Variants in KHSRP observed in about 807,000 individuals in gnomAD.
The protein encoded by KHSRP is KH-type splicing regulatory protein.
Under a neutral mutation model 94.9 loss-of-function variants are expected in KHSRP, and 13 were observed. The observed-to-expected ratio is 0.14, with a 90% CI of 0.09 to 0.22. KHSRP has a LOEUF of 0.22. KHSRP is among the 10% of genes least tolerant of loss of function. The pLI, the probability that KHSRP is intolerant of heterozygous loss-of-function variation, is 1.00. For synonymous variants in KHSRP, 495 were observed against 401.4 expected (o/e 1.23, Z -2.79); for missense variants, 710 against 1,010.0 (o/e 0.70, Z 4.03).
rs1252646730 is a variant in KHSRP at position 6,417,857 on chromosome 19, G to T, written c.979-16C>A. 6.2e-7 allele frequency: 1 copy of T among 1,611,712 alleles called. No homozygotes were observed. Among genetic ancestry groups the T allele is most frequent in the Non-Finnish European group, 8.5e-7 (1 of 1,178,144 alleles). ...GCACTGGCACCTGGGGAGGGAGGCA[G>T]CAGCGTCAGCTCGGCCCGCAGCTCT... On this transcript the variant is annotated splice_polypyrimidine_tract_variant and intron_variant, in intron 10 of 18. Transcript: ENST00000600480.
In KHSRP at chr19:6,414,409, C is replaced by T; in HGVS notation, c.*615G>A. The T allele has an allele frequency of 7.8e-7, 1 of 1,279,876 alleles. No individual in the cohort carries two copies. Among genetic ancestry groups the T allele is most frequent in the Non-Finnish European group, 9.9e-7 (1 of 1,012,100 alleles). 79.3% of individuals were successfully genotyped at this position (1,279,876 alleles called of 1,614,324 possible). On this transcript the variant is annotated 3_prime_UTR_variant, in exon 19 of 19. Transcript: ENST00000600480. Reference sequence around the variant, plus strand: ...TAGGGTCGTAGGGGAGCTGCCCTGTCTCCGGAGGGCGGTGGCTCCCGGCGC... The same window carrying T: ...TAGGGTCGTAGGGGAGCTGCCCTGTTTCCGGAGGGCGGTGGCTCCCGGCGC...
At chr19:6,416,943 C>T (rs754797699) in intron 12 of KHSRP, 44 bp downstream of exon 12, 7 of 1,613,356 alleles carry the variant, frequency 4.3e-6, no homozygotes, top group South Asian at 1.1e-5. Context: ...TCTTGCACTC[C>T]CCTGGAGGCC....
Position 6,415,738 on chromosome 19 carries a change from C to A in KHSRP, c.1688-4G>T, listed in dbSNP as rs1420739071. 1.3e-6 allele frequency: 2 copies of A among 1,550,416 alleles called. No homozygotes were observed. The highest frequency in any genetic ancestry group is 2.0e-5 in the Admixed American group (1 of 50,990). On this transcript the variant is annotated splice_polypyrimidine_tract_variant and splice_region_variant and intron_variant, in intron 16 of 18. Transcript: ENST00000600480. Reference sequence around the variant, plus strand: ...GCGGCCGCTGCAGCTGCTTTGCCTGCAGGAGATACCTCGGGTGAGACGGGG... The same window carrying A: ...GCGGCCGCTGCAGCTGCTTTGCCTGAAGGAGATACCTCGGGTGAGACGGGG...
chr19:6,418,718 G>C lies in KHSRP; in HGVS notation c.764C>G (p.Thr255Ser), dbSNP rs780349676. 1 of 1,613,870 alleles carries C rather than the reference G, an allele frequency of 6.2e-7. No individual in the cohort carries two copies. The change falls in exon 8 of 19, where the codon ACC becomes AGC. Residue 255 changes from threonine (T) to serine (S), a missense_variant. Coordinates refer to ENST00000600480, the MANE Select transcript of KHSRP (RefSeq NM_001366299.1). This position sits in a 1 kb window ranked among gnomAD's most constrained non-coding sequence, Gnocchi z 4.3. ...TGCCCTCACCTGCAGCTGCTTAATG[G>C]TCTCCCCGCCCTTGCCAATGACCAG... ...AGLVIGKGGE[T>S]IKQLQERAGV...
At position 6,413,144 on chromosome 19, in the gene KHSRP, A is replaced by AAG. The variant is rs1555725658; in HGVS notation, c.*1879_*1880insCT. 4.9e-4 allele frequency among the ~76,000 whole-genome samples: 58 copies of AAG among 117,224 alleles called. 1 individual carries two copies. In the East Asian group the frequency reaches 6.1e-3, roughly 12 times the overall value. The allele number at this position is 117,224 out of a possible 152,430, so 76.9% of individuals were successfully genotyped here. On this transcript the variant is annotated 3_prime_UTR_variant, in exon 19 of 19. Coordinates refer to ENST00000600480, the MANE Select transcript of KHSRP (RefSeq NM_001366299.1). ...GCACTTTATTTAACAAAAAAAAAAA[A>AAG]GGGGGGGGGGCACGGTTAGGAAAGC...
chr19:6,413,879 C>G lies in KHSRP; in HGVS notation c.*1145G>C. On this transcript the variant is annotated 3_prime_UTR_variant, in exon 19 of 19. Coordinates refer to ENST00000600480, the MANE Select transcript of KHSRP (RefSeq NM_001366299.1). The stretch of plus-strand genomic sequence containing the variant: ...ATCTCGCTATCTTCTCTGGCTGGCT[C>G]AACATGGAAGGATCCCAATTTTGAA... The G allele has an allele frequency of 2.8e-6, 1 of 359,622 alleles. No homozygotes were observed. Among genetic ancestry groups the G allele is most frequent in the Non-Finnish European group, 4.8e-6 (1 of 208,700 alleles). 22.3% of individuals were successfully genotyped at this position (359,622 alleles called of 1,614,324 possible).
Position 6,414,344 on chromosome 19 carries a change from A to T in KHSRP, c.*680T>A. The T allele has an allele frequency of 7.2e-7, 1 of 1,387,856 alleles. No individual in the cohort carries two copies. Among genetic ancestry groups the T allele is most frequent in the Non-Finnish European group, 9.4e-7 (1 of 1,066,214 alleles). 86.0% of individuals were successfully genotyped at this position (1,387,856 alleles called of 1,614,324 possible). On this transcript the variant is annotated 3_prime_UTR_variant, in exon 19 of 19. Coordinates refer to ENST00000600480, the MANE Select transcript of KHSRP (RefSeq NM_001366299.1). ...CTCCCTGATGGAGAAGGAGGGACAG[A>T]GCAGGAAGAGAGGAGAGGGGCCGCG...
intron 6 of KHSRP, 60 bp from the exon 7 acceptor site, chr19:6,419,320 T>C: frequency 5.4e-6 from 8 of 1,469,886 alleles, no homozygotes; most frequent in Admixed American, 2.4e-5. Flanking sequence ...AAGGCCTGCC[T>C]TGGACACGAG....
At position 6,414,458 on chromosome 19, in the gene KHSRP, G is replaced by A; in HGVS notation, c.*566C>T. 8.5e-7 allele frequency: 1 copy of A among 1,176,752 alleles called. No homozygotes were observed. The highest frequency in any genetic ancestry group is 1.1e-6 in the Non-Finnish European group (1 of 949,890). 72.9% of individuals were successfully genotyped at this position (1,176,752 alleles called of 1,614,324 possible). ...GCAGCACGACGACATGAACAATCCA[G>A]AGATCATGGTGTCCCCACAACACCC... On this transcript the variant is annotated 3_prime_UTR_variant, in exon 19 of 19. Coordinates refer to ENST00000600480, the MANE Select transcript of KHSRP (RefSeq NM_001366299.1).
chr19:6,416,366 G>GCCTGGGCCA lies in KHSRP; in HGVS notation c.1521_1529dup (p.Gly508_Gly510dup). On this transcript the variant is annotated inframe_insertion, in exon 15 of 19. Transcript: ENST00000600480. ...TGAAGGGCCCCATTGGGCCAGCAGG[G>GCCTGGGCCA]CCTGGGCCACCTGGGCCTGGTCCAA... The GCCTGGGCCA allele has an allele frequency of 6.2e-7, 1 of 1,611,992 alleles. No homozygotes were observed. The highest frequency in any genetic ancestry group is 8.5e-7 in the Non-Finnish European group (1 of 1,179,302).
At position 6,418,461 on chromosome 19, in the gene KHSRP, C is replaced by T. The variant is rs1253241124; in HGVS notation, c.879+22G>A. Reference sequence around the variant, plus strand: ...GCCCGTGCCTCTCCAGAACCCCCTCCACCACCCCAGGGCGTGCTCACCTGC... The same window carrying T: ...GCCCGTGCCTCTCCAGAACCCCCTCTACCACCCCAGGGCGTGCTCACCTGC... On this transcript the variant is annotated intron_variant, in intron 9 of 18. Coordinates refer to ENST00000600480, the MANE Select transcript of KHSRP (RefSeq NM_001366299.1). This position sits in a 1 kb window ranked among gnomAD's most constrained non-coding sequence, Gnocchi z 4.3. 4 of 1,596,920 alleles carry T rather than the reference C, an allele frequency of 2.5e-6. No homozygotes were observed. Among genetic ancestry groups the T allele is most frequent in the Non-Finnish European group, 3.4e-6 (4 of 1,166,010 alleles).
Position 6,418,103 on chromosome 19 carries a change from C to A in KHSRP, c.880-24G>T. On this transcript the variant is annotated intron_variant, in intron 9 of 18. Coordinates refer to ENST00000600480, the MANE Select transcript of KHSRP (RefSeq NM_001366299.1). The surrounding 1 kb of genome is among the most constrained non-coding windows in gnomAD (Gnocchi z 4.3). ...TGCTGCAAACACACAGGAAGCAGCC[C>A]CCATGGGTGAGCCCTGCTGCCCCAC... 3 of 1,606,756 alleles carry A rather than the reference C, an allele frequency of 1.9e-6. No individual in the cohort carries two copies. In the African/African-American group the frequency reaches 4.0e-5, roughly 21 times the overall value.
Position 6,414,723 on chromosome 19 carries a change from G to C in KHSRP, c.*301C>G. 1 of 1,045,824 alleles carries C rather than the reference G, an allele frequency of 9.6e-7. No homozygotes were observed. The highest frequency in any genetic ancestry group is 4.1e-5 in the South Asian group (1 of 24,522). The allele number at this position is 1,045,824 out of a possible 1,614,324, so 64.8% of individuals were successfully genotyped here. A position where few individuals can be genotyped will look rare whatever the true frequency, so the allele number is the denominator to read the frequency against. On this transcript the variant is annotated 3_prime_UTR_variant, in exon 19 of 19. Transcript: ENST00000600480. The stretch of plus-strand genomic sequence containing the variant: ...AATAAAAAGAACAAAAACCAAAAAA[G>C]TGATGCAGAGAAGGGGAAAAAATAG...
intron 1 of KHSRP, among the ~76,000 whole-genome samples, chr19:6,423,411 A>G (rs2092206983): frequency 6.6e-6 from 1 of 152,244 alleles, no homozygotes; most frequent in African/African-American, 2.4e-5. Context: ...AACCCAAACC[A>G]TGTTAAGAAT....
chr19:6,420,831 CCCT>C (rs2145122516), intron 4 of KHSRP, among the ~76,000 whole-genome samples: 1 of 152,292 alleles, frequency 6.6e-6, no homozygotes, highest in Non-Finnish European at 1.5e-5. Context: ...AAAAAATGAC[CCCT>C]GACAACTGCC....
Position 6,424,772 on chromosome 19 carries a change from C to T in KHSRP, c.-71G>A, listed in dbSNP as rs2092223115. The T allele has an allele frequency of 3.3e-6, 2 of 613,586 alleles. No homozygotes were observed. The highest frequency in any genetic ancestry group is 4.1e-6 in the Non-Finnish European group (2 of 482,206). 38.0% of individuals were successfully genotyped at this position (613,586 alleles called of 1,614,324 possible). ...CGGCGGCGGCGGCGGCGGCTCAACGCGGGAACAAGGCCTCGCTCCACACGG... is the reference window on the plus strand; with the variant it reads ...CGGCGGCGGCGGCGGCGGCTCAACGTGGGAACAAGGCCTCGCTCCACACGG... On this transcript the variant is annotated 5_prime_UTR_variant, in exon 1 of 19. Coordinates refer to ENST00000600480, the MANE Select transcript of KHSRP (RefSeq NM_001366299.1).
rs778083216 is a variant in KHSRP, at chr19:6,416,289, G to A, written c.1598+9C>T. ...CGGCCTCAAAACCCAGGAGGCAGAG[G>A]ATACTCACTGTGGGGGAGCCCCGGG... On this transcript the variant is annotated intron_variant, in intron 15 of 18. Transcript: ENST00000600480. 4 of 1,591,756 alleles carry A rather than the reference G, an allele frequency of 2.5e-6. No homozygotes were observed. The highest frequency in any genetic ancestry group is 1.4e-5 in the African/African-American group (1 of 73,900).
rs776382514 is a variant in KHSRP, at chr19:6,418,893, C to T, written c.606-17G>A. 13 of 1,531,914 alleles carry T rather than the reference C, an allele frequency of 8.5e-6. No homozygotes were observed. Among genetic ancestry groups the T allele is most frequent in the South Asian group, 3.8e-5 (3 of 78,468 alleles). 94.9% of individuals were successfully genotyped at this position (1,531,914 alleles called of 1,614,324 possible). ...TTGGCTTTCCTGGGAAGGGGAGGAG[C>T]GGGGGATGAGCGGGTGCCACCGCTG... On this transcript the variant is annotated splice_polypyrimidine_tract_variant and intron_variant, in intron 7 of 18. Transcript: ENST00000600480. The surrounding 1 kb of genome is among the most constrained non-coding windows in gnomAD (Gnocchi z 4.3).
chr19:6,415,971 GTT>G (rs764676714), intron 15 of KHSRP, 75 bp from the exon 16 acceptor site: 144 of 960,840 alleles, frequency 1.5e-4, no homozygotes, highest in Non-Finnish European at 2.0e-4. Flanking sequence ...GGGTGGGGAT[GTT>G]TTTCAGTGGG....
Sources: gnomAD v4.1 joint callset for allele counts (sites outside exome capture counted in the v4.1 genomes callset) on GRCh38, gnomAD v4.1.1 for gene constraint, Gnocchi (gnomAD v3.1) non-coding constraint, MANE v1.5 for transcripts, NCBI Gene and HGNC (gene_info 2026-07-23, HGNC 2026-07-21) for gene names.